The following TRAPPC9 variants were observed in gnomAD, a reference collection of about 807,000 sequenced individuals.
TRAPPC9 encodes trafficking protein particle complex subunit 9.
In TRAPPC9, 83 loss-of-function variants were observed where a neutral mutation model predicts 124.0. The ratio of observed to expected loss-of-function variants is 0.67; its 90% CI spans 0.56 to 0.80. The LOEUF (loss-of-function observed/expected upper bound fraction) is 0.80. Among genes scored for constraint, TRAPPC9 ranks in the 30% least tolerant of loss-of-function variants. The probability of loss-of-function intolerance (pLI) is 0.00; values close to 1 mark genes in which losing one functional copy is unlikely to be tolerated. For synonymous variants in TRAPPC9, 638 were observed against 617.5 expected (o/e 1.03, Z -0.49); for missense variants, 1,302 against 1,508.3 (o/e 0.86, Z 2.27).
intron 20 of TRAPPC9, among the ~76,000 whole-genome samples, chr8:139,893,105 C>T (rs554706307): frequency 1.3e-5 from 2 of 150,422 alleles, no homozygotes; most frequent in South Asian, 2.1e-4. Context: ...CAAACCAAGA[C>T]GTGCCGTGTT....
At chr8:140,074,455 C>T (rs551979804) in intron 17 of TRAPPC9, among the ~76,000 whole-genome samples, 2 of 152,352 alleles carry the variant, frequency 1.3e-5, no homozygotes, top group East Asian at 1.9e-4. Flanking sequence ...AGGGAGGCCA[C>T]TTCATCAACA....
At chr8:139,919,530 T>A (rs897446477) in intron 19 of TRAPPC9, among the ~76,000 whole-genome samples, 7 of 152,122 alleles carry the variant, frequency 4.6e-5, no homozygotes, top group African/African-American at 1.7e-4. Context: ...TATTAAAAAA[T>A]ATGGCTATTA....
chr8:140,022,554 C>T (rs1216205760), intron 18 of TRAPPC9, among the ~76,000 whole-genome samples: 2 of 152,150 alleles, frequency 1.3e-5, no homozygotes, highest in African/African-American at 2.4e-5. Flanking sequence ...AAGACGAACT[C>T]AGCTGATGAC....
chr8:140,114,932 T>G (rs2060851054), intron 17 of TRAPPC9, among the ~76,000 whole-genome samples: 1 of 152,206 alleles, frequency 6.6e-6, no homozygotes, highest in Admixed American at 6.5e-5. Context: ...GGAGTCTGAC[T>G]ACCTCCTGAG....
chr8:139,992,002 G>C (rs1174732704), intron 18 of TRAPPC9, among the ~76,000 whole-genome samples: 1 of 152,036 alleles, frequency 6.6e-6, no homozygotes, highest in African/African-American at 2.4e-5. Context: ...AGGGAAAAGG[G>C]CAGGACCAAT....
chr8:139,767,769 A>T (rs1820680935), intron 21 of TRAPPC9, among the ~76,000 whole-genome samples: 1 of 152,268 alleles, frequency 6.6e-6, no homozygotes, highest in Non-Finnish European at 1.5e-5. Flanking sequence ...CAGTAATCAA[A>T]GAATGCAGGC....
In TRAPPC9 at chr8:140,111,938, G is replaced by C. The variant is rs2060783299; in HGVS notation, c.2557-87859C>G. Among the ~76,000 whole-genome samples the C allele has an allele frequency of 1.3e-5, 2 of 152,264 alleles. 1 individual carries two copies. Among genetic ancestry groups the C allele is most frequent in the South Asian group, 4.1e-4 (2 of 4,832 alleles). ...ATCAACAGGGACATTTTAATAAGGTGACTCCTGCAGGAGGCTCAGGCGCAG... is the reference window on the plus strand; with the variant it reads ...ATCAACAGGGACATTTTAATAAGGTCACTCCTGCAGGAGGCTCAGGCGCAG... On this transcript the variant is annotated intron_variant, in intron 17 of 22. Transcript: ENST00000438773.
rs999279877 is a variant in TRAPPC9 at position 140,217,305 on chromosome 8, T to A, written c.2556+4154A>T. On this transcript the variant is annotated intron_variant, in intron 17 of 22. Coordinates refer to ENST00000438773, the MANE Select transcript of TRAPPC9 (RefSeq NM_001160372.4). Reference sequence around the variant, plus strand: ...GACATCCTCTGTGGCCTTGAGGAGGTCCTACTCGGGAGGAAGTCTGGAATG... The same window carrying A: ...GACATCCTCTGTGGCCTTGAGGAGGACCTACTCGGGAGGAAGTCTGGAATG... 9.9e-5 allele frequency among the ~76,000 whole-genome samples: 15 copies of A among 151,922 alleles called. No individual in the cohort carries two copies. The East Asian group carries it at 2.7e-3, about 27-fold the overall frequency.
At chr8:139,933,695 C>T (rs1387148218) in intron 19 of TRAPPC9, 3 of 152,250 alleles carry the variant, frequency 2.0e-5, no homozygotes, top group African/African-American at 7.2e-5. Flanking sequence ...TCATCCCTGC[C>T]CTTGGCCAAT....
intron 17 of TRAPPC9, among the ~76,000 whole-genome samples, chr8:140,026,885 T>C (rs915661226): frequency 1.3e-5 from 2 of 152,218 alleles, no homozygotes; most frequent in African/African-American, 4.8e-5. Context: ...TTTTTTTTAA[T>C]ATTCAAGGAT....
At chr8:140,127,993 A>C (rs373767443) in intron 17 of TRAPPC9, among the ~76,000 whole-genome samples, 175 of 152,396 alleles carry the variant, frequency 1.1e-3, no homozygotes, top group African/African-American at 4.0e-3. Flanking sequence ...TTATAAACCA[A>C]CAGAGATAGC....
chr8:140,387,311 C>T (rs777425430), intron 7 of TRAPPC9, among the ~76,000 whole-genome samples: 30 of 152,040 alleles, frequency 2.0e-4, no homozygotes, highest in Admixed American at 5.2e-4. Flanking sequence ...GACATAGGCA[C>T]GGGCAAGGAC....
chr8:140,283,294 C>T (rs1446052552), intron 14 of TRAPPC9, among the ~76,000 whole-genome samples: 8 of 97,228 alleles, frequency 8.2e-5, no homozygotes, highest in East Asian at 2.8e-4. Context: ...ATTAAAATTC[C>T]TTTTTTTTTT....
At position 139,936,834 on chromosome 8, in the gene TRAPPC9, GC is replaced by G. The variant is rs376049324; in HGVS notation, c.2811-26535del. Among the ~76,000 whole-genome samples, 181 of 95,944 alleles carry G rather than the reference GC, an allele frequency of 1.9e-3. 4 individuals are homozygous for G. Among genetic ancestry groups the G allele is most frequent in the African/African-American group, 6.9e-3 (139 of 20,244 alleles). The allele number at this position is 95,944 out of a possible 152,430, so 62.9% of individuals were successfully genotyped here. On this transcript the variant is annotated intron_variant, in intron 19 of 22. Coordinates refer to ENST00000438773, the MANE Select transcript of TRAPPC9 (RefSeq NM_001160372.4). ...GTGGTATAAAGCATGGAGAGAGTGG[GC>G]GAGTGGGCACTGCAGTGTGGTATAA...
At chr8:139,766,896 G>C (rs751566969) in intron 21 of TRAPPC9, among the ~76,000 whole-genome samples, 3 of 152,202 alleles carry the variant, frequency 2.0e-5, no homozygotes, top group Admixed American at 6.5e-5. Context: ...TGTGCGTCCC[G>C]CAGACCTGTG....
chr8:139,733,009 G>T (rs1410237810), intron 21 of TRAPPC9, among the ~76,000 whole-genome samples: 1 of 151,680 alleles, frequency 6.6e-6, no homozygotes, highest in Admixed American at 6.6e-5. Flanking sequence ...CGGAGAGAGT[G>T]TGCCCTCTCT....
intron 19 of TRAPPC9, among the ~76,000 whole-genome samples, chr8:139,924,038 G>T (rs1832664193): frequency 6.6e-6 from 1 of 152,186 alleles, no homozygotes; most frequent in African/African-American, 2.4e-5. Flanking sequence ...GAGGGGGCAT[G>T]GCCAGGACCC....
At chr8:140,396,969 C>CCTCA (rs56780538) in intron 7 of TRAPPC9, among the ~76,000 whole-genome samples, 55,179 of 151,730 alleles carry the variant, frequency 0.36, 10,094 homozygotes, top group South Asian at 0.45. Context: ...ACAACGCCCT[C>CCTCA]CTAAGTATCT....
chr8:140,414,651 T>C (rs776709608), intron 5 of TRAPPC9, among the ~76,000 whole-genome samples: 2 of 152,196 alleles, frequency 1.3e-5, no homozygotes, highest in Non-Finnish European at 2.9e-5. Context: ...CAGAATGAAA[T>C]TTGGGGAATT....
Sources: allele counts gnomAD v4.1 joint callset (sites outside exome capture counted in the v4.1 genomes callset), GRCh38; gene constraint gnomAD v4.1.1; transcripts MANE v1.5; gene names NCBI Gene and HGNC (gene_info 2026-07-23, HGNC 2026-07-21).